Variants in ARID1A observed in about 807,000 individuals in gnomAD.
The protein encoded by ARID1A is AT-rich interactive domain-containing protein 1A.
A neutral mutation model predicts 212.6 loss-of-function variants in ARID1A; 20 were observed. The observed-to-expected ratio is 0.09, with a 90% confidence interval of 0.07 to 0.14. The LOEUF is 0.14. Among genes scored for constraint, ARID1A ranks in the 10% least tolerant of loss-of-function variants. ARID1A has a pLI of 1.00. For synonymous variants in ARID1A, 1,376 were observed against 1,222.1 expected, an observed-to-expected ratio of 1.13 and a Z score of -2.63; for missense variants, 2,587 against 3,059.0, an observed-to-expected ratio of 0.85 and a Z score of 3.64.
rs2124126204 is a variant in ARID1A at position 26,775,586 on chromosome 1, A to G, written c.5003A>G (p.Glu1668Gly). 1 of 1,614,080 alleles carries G rather than the reference A, an allele frequency of 6.2e-7. No individual in the cohort carries two copies. The highest frequency in any genetic ancestry group is 1.1e-5 in the South Asian group (1 of 91,078). The stretch of plus-strand genomic sequence containing the variant: ...TGGAGGTTTATTTCAGGAACCCCGG[A>G]GGCATGGCGGGTAATGATGTCCCTC... The part of the protein sequence containing the change: ...RLTMKDIGTP[E>G]AWRVMMSLKS... The change falls in exon 19 of 20, where the codon GAG becomes GGG. Residue 1668 changes from glutamate (E) to glycine (G), a missense_variant. Glu to Gly is a moderately conservative substitution (Grantham distance 98). Coordinates refer to ENST00000324856, the MANE Select transcript of ARID1A (RefSeq NM_006015.6).
rs2124080662 is a variant in ARID1A at position 26,766,376 on chromosome 1, A to G, written c.2878+10A>G. 1 of 1,614,068 alleles carries G rather than the reference A, an allele frequency of 6.2e-7. No homozygotes were observed. Among genetic ancestry groups the G allele is most frequent in the East Asian group, 2.2e-5 (1 of 44,890 alleles). The stretch of plus-strand genomic sequence containing the variant: ...GCCAACAATTCTGCAGGTAAGTGCT[A>G]GTCATTCTCACTAGGGATTTCTTCA... On this transcript the variant is annotated intron_variant, in intron 9 of 19. Coordinates refer to ENST00000324856, the MANE Select transcript of ARID1A (RefSeq NM_006015.6).
Position 26,771,041 on chromosome 1 carries a change from G to C in ARID1A, c.3199-78G>C, listed in dbSNP as rs763149865. 3 of 1,325,106 alleles carry C rather than the reference G, an allele frequency of 2.3e-6. No homozygotes were observed. Among genetic ancestry groups the C allele is most frequent in the Non-Finnish European group, 3.2e-6 (3 of 923,330 alleles). The allele number at this position is 1,325,106 out of a possible 1,614,324, so 82.1% of individuals were successfully genotyped here. ...GTTCTACAAAGATGAATACCTTACA[G>C]CCTGATGGGGCTTGGGGCTTATGGG... On this transcript the variant is annotated intron_variant, in intron 11 of 19. Transcript: ENST00000324856. This position sits in a 1 kb window ranked among gnomAD's most constrained non-coding sequence, Gnocchi z 5.4.
chr1:26,704,884 T>A (rs1195657147), intron 1 of ARID1A, among the ~76,000 whole-genome samples: 1 of 152,122 alleles, frequency 6.6e-6, no homozygotes, highest in Non-Finnish European at 1.5e-5. Context: ...AATTTGTTTT[T>A]TATTAGGTTA....
chr1:26,756,030 A>C (rs1458994709), intron 4 of ARID1A, among the ~76,000 whole-genome samples: 1 of 151,264 alleles, frequency 6.6e-6, no homozygotes, highest in Non-Finnish European at 1.5e-5. Context: ...GACGTGAGCC[A>C]CCGCGCCTGG....
rs1446810719 is a variant in ARID1A, at chr1:26,774,580, C to T, written c.4353C>T (p.Pro1451=). Residue 1451 remains proline, a synonymous_variant, in exon 18 of 20, where the codon CCC becomes CCT. Transcript: ENST00000324856. This position sits in a 1 kb window ranked among gnomAD's most constrained non-coding sequence, Gnocchi z 5.6. Reference sequence around the variant, plus strand: ...CTGAGCGCCGACCAGCAGGCGGCCCCCAGAACCAATTTCCATTCCAGTTTG... The same window carrying T: ...CTGAGCGCCGACCAGCAGGCGGCCCTCAGAACCAATTTCCATTCCAGTTTG... ...AATERRPAGG[P]QNQFPFQFGR... 1.2e-6 allele frequency: 2 copies of T among 1,614,206 alleles called. No homozygotes were observed. Among genetic ancestry groups the T allele is most frequent in the Admixed American group, 3.3e-5 (2 of 60,024 alleles).
At chr1:26,704,808 A>G (rs1263588993) in intron 1 of ARID1A, among the ~76,000 whole-genome samples, 2 of 151,876 alleles carry the variant, frequency 1.3e-5, no homozygotes, top group African/African-American at 4.8e-5. Flanking sequence ...GTTGTAAGCC[A>G]TGATTACGCC....
At chr1:26,706,699 G>T (rs2080395440) in intron 1 of ARID1A, among the ~76,000 whole-genome samples, 1 of 152,216 alleles carries the variant, frequency 6.6e-6, no homozygotes. Flanking sequence ...GGTAGACATT[G>T]TTGCTTTCTG....
intron 4 of ARID1A, among the ~76,000 whole-genome samples, chr1:26,749,160 G>A (rs948625999): frequency 1.3e-5 from 2 of 151,420 alleles, no homozygotes; most frequent in African/African-American, 2.4e-5. Flanking sequence ...GCGAGACTCC[G>A]TCTCAAAAAA....
At chr1:26,745,189 G>T (rs2080825081) in intron 4 of ARID1A, among the ~76,000 whole-genome samples, 3 of 152,136 alleles carry the variant, frequency 2.0e-5, no homozygotes, top group Admixed American at 6.5e-5. Context: ...ATTTAACCTA[G>T]ATTTGACCTA....
chr1:26,713,980 G>A (rs1000157153), intron 1 of ARID1A, among the ~76,000 whole-genome samples: 1 of 152,202 alleles, frequency 6.6e-6, no homozygotes, highest in Non-Finnish European at 1.5e-5. Flanking sequence ...GGGTTAAAAT[G>A]AAATTAAGAT....
chr1:26,775,962 AATTCAG>A, intron 19 of ARID1A: 1 of 618,124 alleles, frequency 1.6e-6, no homozygotes, highest in East Asian at 3.4e-5. Flanking sequence ...TATTAGTAAG[AATTCAG>A]ATTCAATCGA....
chr1:26,762,306 G>A lies in ARID1A; in HGVS notation c.2406G>A (p.Gln802=), dbSNP rs2124064634. ...SMGSYGPQGG[Q]YGPQGGYPRQ... is the part of the protein sequence containing the mutation. ...GGAGCTATGGTCCCCAGGGGGGTCA[G>A]TATGGCCCACAAGGTCAGTATACTA... Residue 802 remains glutamine, a synonymous_variant, in exon 7 of 20, where the codon CAG becomes CAA. Coordinates refer to ENST00000324856, the MANE Select transcript of ARID1A (RefSeq NM_006015.6). 6.2e-7 allele frequency: 1 copy of A among 1,614,100 alleles called. No homozygotes were observed. The highest frequency in any genetic ancestry group is 8.5e-7 in the Non-Finnish European group (1 of 1,179,982).
chr1:26,777,576 G>A (rs2081148358), intron 19 of ARID1A, among the ~76,000 whole-genome samples: 1 of 151,950 alleles, frequency 6.6e-6, no homozygotes, highest in African/African-American at 2.4e-5. Context: ...GTCTCACTGT[G>A]TTGCCCAGGC....
At chr1:26,772,194 T>A (rs1409278343) in intron 12 of ARID1A, 2 of 378,452 alleles carry the variant, frequency 5.3e-6, no homozygotes, top group African/African-American at 4.0e-5. Context: ...TTAGACAAGG[T>A]CCTTTGGCGG....
rs2124788755 is a variant in ARID1A, at chr1:26,731,328, A to G, written c.1527A>G (p.Pro509=). The part of the protein sequence containing the change: ...SYQQQPQSQP[P]QLQSSQPPYS... ...AGCAGCAGCCACAGTCTCAACCACC[A>G]CAGCTCCAGTCCTCTCAGCCTCCAT... The change falls in exon 3 of 20, where the codon CCA becomes CCG. Residue 509 remains proline, a synonymous_variant. Transcript: ENST00000324856. 6.2e-7 allele frequency: 1 copy of G among 1,612,954 alleles called. No homozygotes were observed. Among genetic ancestry groups the G allele is most frequent in the Non-Finnish European group, 8.5e-7 (1 of 1,179,674 alleles).
chr1:26,773,203 G>A (rs781608113), intron 14 of ARID1A, 143 bp from the exon 15 acceptor site: 7 of 1,305,242 alleles, frequency 5.4e-6, no homozygotes, highest in Non-Finnish European at 7.3e-6. Flanking sequence ...TTCGCTGGTT[G>A]GGGCCTCTTT....
Position 26,731,610 on chromosome 1 carries a change from A to G in ARID1A, c.1803+6A>G, listed in dbSNP as rs1192134344. 1 of 1,612,284 alleles carries G rather than the reference A, an allele frequency of 6.2e-7. No individual in the cohort carries two copies. Among genetic ancestry groups the G allele is most frequent in the Non-Finnish European group, 8.5e-7 (1 of 1,178,534 alleles). On this transcript the variant is annotated splice_donor_region_variant and intron_variant, in intron 3 of 19. Transcript: ENST00000324856. ...AGCGCTTCCCTCCACCGCAGGTAAG[A>G]TATCCCTGCCTCCTGCCCTTCCCTG...
chr1:26,743,402 G>A (rs2080807058), intron 4 of ARID1A, among the ~76,000 whole-genome samples: 1 of 152,006 alleles, frequency 6.6e-6, no homozygotes, highest in Non-Finnish European at 1.5e-5. Context: ...GTCATGTTGT[G>A]CCCAGAACAG....
intron 1 of ARID1A, among the ~76,000 whole-genome samples, chr1:26,708,856 G>A (rs1006475123): frequency 3.3e-5 from 5 of 151,518 alleles, no homozygotes; most frequent in Admixed American, 6.6e-5. Flanking sequence ...CACCACGCCC[G>A]GCTAATTTTT....
Sources: allele counts gnomAD v4.1 joint callset (sites outside exome capture counted in the v4.1 genomes callset), GRCh38; gene constraint gnomAD v4.1.1; non-coding constraint Gnocchi (gnomAD v3.1); transcripts MANE v1.5; gene names NCBI Gene and HGNC (gene_info 2026-07-23, HGNC 2026-07-21).